Variants in DRC2 observed in about 807,000 individuals in gnomAD.
DRC2 encodes coiled-coil domain containing 65.
the DRC2 span, among the ~76,000 whole-genome samples, chr12:48,905,404 C>T: frequency 1.3e-5 from 2 of 152,220 alleles, no homozygotes; most frequent in African/African-American, 2.4e-5. Flanking sequence ...CCCACACCTT[C>T]ATTTCAATGT....
the DRC2 span, among the ~76,000 whole-genome samples, chr12:48,913,072 T>A: frequency 2.1e-5 from 3 of 145,302 alleles, no homozygotes; most frequent in Non-Finnish European, 4.5e-5. Flanking sequence ...GAGGCCAAGG[T>A]TGCAGTGAGC....
chr12:48,916,384 G>C, the DRC2 span, among the ~76,000 whole-genome samples: 3 of 152,062 alleles, frequency 2.0e-5, no homozygotes, highest in Admixed American at 6.5e-5. Flanking sequence ...GATCACTCGC[G>C]GTTAGGAGCT....
chr12:48,913,562 G>A, the DRC2 span, among the ~76,000 whole-genome samples: 5 of 150,722 alleles, frequency 3.3e-5, no homozygotes, highest in South Asian at 6.4e-4. Flanking sequence ...GTGCAATCTC[G>A]GCTCACTGCA....
the DRC2 span, chr12:48,914,628 C>A: frequency 6.4e-7 from 1 of 1,559,616 alleles, no homozygotes; most frequent in Admixed American, 1.9e-5. Context: ...GCCCAGAGTC[C>A]GTGTCAAGGA....
At chr12:48,905,430 C>T in the DRC2 span, among the ~76,000 whole-genome samples, 1 of 152,206 alleles carries the variant, frequency 6.6e-6, no homozygotes, top group South Asian at 2.1e-4. Flanking sequence ...GGCTCAGTTC[C>T]AGAGGGGAAC....
chr12:48,921,168 G>C, the DRC2 span: 4 of 1,613,636 alleles, frequency 2.5e-6, no homozygotes, highest in Non-Finnish European at 3.4e-6. Flanking sequence ...CCACTCCCAG[G>C]TGATGGTGGA....
the DRC2 span, among the ~76,000 whole-genome samples, chr12:48,907,582 ACTT>A: frequency 4.6e-5 from 7 of 152,158 alleles, no homozygotes; most frequent in African/African-American, 9.7e-5. Context: ...CACTATCTCT[ACTT>A]CTTCACTTCC....
chr12:48,913,451 G>A, the DRC2 span, among the ~76,000 whole-genome samples: 5 of 150,850 alleles, frequency 3.3e-5, no homozygotes, highest in Admixed American at 6.6e-5. Flanking sequence ...TTATAGGTAC[G>A]CATCACCACA....
the DRC2 span, chr12:48,904,920 G>A: frequency 6.4e-7 from 1 of 1,553,538 alleles, no homozygotes; most frequent in Non-Finnish European, 8.7e-7. Context: ...CTGACTTCCT[G>A]GAGGTATATT....
the DRC2 span, among the ~76,000 whole-genome samples, chr12:48,920,441 T>TTTTTAAAAA: frequency 1.0e-4 from 7 of 67,812 alleles, no homozygotes; most frequent in African/African-American, 1.3e-4. Context: ...AACTCCATCT[T>TTTTTAAAAA]AAAAAAAAAA....
At chr12:48,915,442 C>G in the DRC2 span, among the ~76,000 whole-genome samples, 3 of 147,934 alleles carry the variant, frequency 2.0e-5, no homozygotes, top group African/African-American at 7.4e-5. Context: ...GGTCACAGAT[C>G]AACAGGATCC....
the DRC2 span, chr12:48,916,947 G>A: frequency 1.9e-6 from 3 of 1,611,766 alleles, no homozygotes; most frequent in Non-Finnish European, 2.5e-6. Context: ...CTCAGAGCAG[G>A]GACAGTGTCT....
the DRC2 span, among the ~76,000 whole-genome samples, chr12:48,908,570 G>GATTATTATTATT: frequency 1.4e-5 from 2 of 141,072 alleles, no homozygotes; most frequent in African/African-American, 5.2e-5. Flanking sequence ...GAACTACCAG[G>GATTATTATTATT]ATTATTATTA....
the DRC2 span, chr12:48,904,568 C>T: frequency 1.4e-6 from 2 of 1,462,764 alleles, no homozygotes; most frequent in East Asian, 2.3e-5. Context: ...TCCCCTCCTC[C>T]GGAAATCCTG....
the DRC2 span, among the ~76,000 whole-genome samples, chr12:48,905,518 G>C: frequency 6.6e-6 from 1 of 152,302 alleles, no homozygotes; most frequent in East Asian, 1.9e-4. Flanking sequence ...CCACTGCAGT[G>C]CTCCATTCAA....
chr12:48,906,856 G>A, the DRC2 span, among the ~76,000 whole-genome samples: 4 of 151,306 alleles, frequency 2.6e-5, no homozygotes, highest in Non-Finnish European at 1.5e-5. Flanking sequence ...GTTAGCCACC[G>A]CGCCCAGCCC....
chr12:48,916,336 G>A, the DRC2 span, among the ~76,000 whole-genome samples: 14 of 152,214 alleles, frequency 9.2e-5, no homozygotes, highest in East Asian at 9.6e-4. Context: ...ACCAGACTCC[G>A]TCTGCAATCC....
At chr12:48,904,296 G>A in the DRC2 span, 1 of 1,594,978 alleles carries the variant, frequency 6.3e-7, no homozygotes, top group Admixed American at 1.8e-5. Flanking sequence ...GCGGGCCGAG[G>A]CAGACCGAGG....
chr12:48,915,257 G>A, the DRC2 span, among the ~76,000 whole-genome samples: 14 of 150,396 alleles, frequency 9.3e-5, no homozygotes, highest in Admixed American at 2.0e-4. Context: ...AGGACCCTGC[G>A]GCCTTCCACA....
Sources: gnomAD v4.1 joint callset for allele counts (sites outside exome capture counted in the v4.1 genomes callset) on GRCh38, gnomAD v4.1.1 for gene constraint, MANE v1.5 for transcripts, NCBI Gene and HGNC (gene_info 2026-07-23, HGNC 2026-07-21) for gene names.